KIAA1217: variants seen among roughly 807,000 people sequenced by gnomAD.
KIAA1217 encodes sickle tail protein homolog.
Under a neutral mutation model 163.9 loss-of-function variants are expected in KIAA1217, and 88 were observed. The observed-to-expected ratio is 0.54, with a 90% CI of 0.45 to 0.64. The LOEUF is 0.64. Among genes scored for constraint, KIAA1217 ranks in the 30% least tolerant of loss-of-function variants. The probability of loss-of-function intolerance (pLI) is 0.00; values close to 1 mark genes in which losing one functional copy is unlikely to be tolerated. For synonymous variants in KIAA1217, 903 were observed against 923.1 expected, an observed-to-expected ratio of 0.98 and a Z score of 0.39; for missense variants, 2,372 against 2,475.0, an observed-to-expected ratio of 0.96 and a Z score of 0.88.
intron 1 of KIAA1217, among the ~76,000 whole-genome samples, chr10:23,857,621 T>A (rs1477632796): frequency 1.3e-5 from 2 of 152,116 alleles, no homozygotes; most frequent in Admixed American, 1.3e-4. Flanking sequence ...GGCCCAGGAA[T>A]TTGCATTTTA....
At chr10:24,190,290 T>A (rs2066656417) in intron 2 of KIAA1217, among the ~76,000 whole-genome samples, 1 of 152,100 alleles carries the variant, frequency 6.6e-6, no homozygotes, top group Non-Finnish European at 1.5e-5. Context: ...ACCTGCAAGG[T>A]ACCATATTTT....
intron 1 of KIAA1217, among the ~76,000 whole-genome samples, chr10:23,971,137 T>G (rs1845298040): frequency 6.6e-6 from 1 of 152,250 alleles, no homozygotes; most frequent in Admixed American, 6.5e-5. Flanking sequence ...TTTTCCCGTG[T>G]GCACAGTGGC....
intron 1 of KIAA1217, among the ~76,000 whole-genome samples, chr10:23,942,561 C>A (rs1843825011): frequency 6.6e-6 from 1 of 152,086 alleles, no homozygotes; most frequent in African/African-American, 2.4e-5. Context: ...TAGTAGCCCC[C>A]CAAATCTCTA....
chr10:24,532,221 T>C (rs769310479), intron 15 of KIAA1217, among the ~76,000 whole-genome samples: 1 of 152,090 alleles, frequency 6.6e-6, no homozygotes, highest in Non-Finnish European at 1.5e-5. Context: ...CAATATGAAA[T>C]GCAAATCACA....
chr10:24,002,943 G>T (rs558886675), intron 1 of KIAA1217, among the ~76,000 whole-genome samples: 2 of 152,222 alleles, frequency 1.3e-5, no homozygotes, highest in African/African-American at 4.8e-5. Context: ...TGGAATAATG[G>T]TGTCCAACTA....
rs2075457117 is a variant in KIAA1217, at chr10:24,544,395, G to A, written c.5125G>A (p.Glu1709Lys). Residue 1709 changes from glutamate to lysine, a missense_variant, in exon 19 of 21, where the codon GAG becomes AAG. Glu to Lys is a moderately conservative substitution (Grantham distance 56). Transcript: ENST00000376454. ...SVASSSHIAQ[E>K]ASPRPLLVPD... is the part of the protein sequence containing the mutation. ...TGCAAGTTCATCCCACATAGCCCAA[G>A]AGGCCTCTCCCCGACCCTTGCTAGT... 1 of 1,614,030 alleles carries A rather than the reference G, an allele frequency of 6.2e-7. No homozygotes were observed. Among genetic ancestry groups the A allele is most frequent in the East Asian group, 2.2e-5 (1 of 44,864 alleles).
At chr10:23,859,678 A>G (rs1464065964) in intron 1 of KIAA1217, among the ~76,000 whole-genome samples, 2 of 152,200 alleles carry the variant, frequency 1.3e-5, no homozygotes, top group Admixed American at 6.5e-5. Flanking sequence ...GCATGTTGCA[A>G]AGGTTTCTAC....
At chr10:24,419,922 A>G (rs991064977) in intron 3 of KIAA1217, among the ~76,000 whole-genome samples, 1 of 152,148 alleles carries the variant, frequency 6.6e-6, no homozygotes, top group African/African-American at 2.4e-5. Context: ...AGATTCATCC[A>G]TATTGACAGA....
chr10:23,819,671 A>G (rs1837528939), intron 1 of KIAA1217, among the ~76,000 whole-genome samples: 1 of 152,198 alleles, frequency 6.6e-6, no homozygotes, highest in Admixed American at 6.5e-5. Context: ...GACACAAAAA[A>G]TATGTCTTAC....
At chr10:23,819,471 C>G (rs1050747652) in intron 1 of KIAA1217, among the ~76,000 whole-genome samples, 2 of 151,580 alleles carry the variant, frequency 1.3e-5, no homozygotes, top group Non-Finnish European at 2.9e-5. Flanking sequence ...CACCAGTGAG[C>G]TCCACACCAG....
At chr10:24,145,017 T>C (rs2064243709) in intron 2 of KIAA1217, among the ~76,000 whole-genome samples, 1 of 152,238 alleles carries the variant, frequency 6.6e-6, no homozygotes, top group South Asian at 2.1e-4. Flanking sequence ...TATCATCTTA[T>C]TTGGGTTTTC....
At chr10:23,857,573 C>G (rs1488383670) in intron 1 of KIAA1217, among the ~76,000 whole-genome samples, 1 of 152,068 alleles carries the variant, frequency 6.6e-6, no homozygotes, top group African/African-American at 2.4e-5. Flanking sequence ...AATGACAGGT[C>G]CATGTTAAAG....
At chr10:23,945,524 T>A (rs1843989479) in intron 1 of KIAA1217, among the ~76,000 whole-genome samples, 1 of 152,220 alleles carries the variant, frequency 6.6e-6, no homozygotes, top group Non-Finnish European at 1.5e-5. Context: ...GGAACTGTTC[T>A]GTTTCAATTG....
At chr10:23,923,331 A>G (rs1842915332) in intron 1 of KIAA1217, among the ~76,000 whole-genome samples, 1 of 152,012 alleles carries the variant, frequency 6.6e-6, no homozygotes, top group Admixed American at 6.6e-5. Context: ...CCCAAGAAAG[A>G]CCTTTTAAAA....
chr10:24,067,857 C>T (rs554610246), intron 2 of KIAA1217, among the ~76,000 whole-genome samples: 188 of 152,360 alleles, frequency 1.2e-3, no homozygotes, highest in Non-Finnish European at 1.8e-3. Context: ...TGCCCCTCCC[C>T]CAGCCTCACT....
At chr10:24,144,218 T>C (rs1267872886) in intron 2 of KIAA1217, among the ~76,000 whole-genome samples, 1 of 152,262 alleles carries the variant, frequency 6.6e-6, no homozygotes, top group Non-Finnish European at 1.5e-5. Flanking sequence ...ACCTTCTCCA[T>C]GTGTGAATCT....
intron 6 of KIAA1217, among the ~76,000 whole-genome samples, chr10:24,484,912 A>G (rs902892707): frequency 6.6e-6 from 1 of 152,150 alleles, no homozygotes; most frequent in African/African-American, 2.4e-5. Flanking sequence ...GGTCCCATCC[A>G]GAACAGCCTA....
At chr10:23,874,372 G>A (rs1472579190) in intron 1 of KIAA1217, among the ~76,000 whole-genome samples, 1 of 151,744 alleles carries the variant, frequency 6.6e-6, no homozygotes, top group African/African-American at 2.4e-5. Context: ...TTACTATTTA[G>A]TTTGTTCACA....
intron 2 of KIAA1217, among the ~76,000 whole-genome samples, chr10:24,072,076 A>G (rs2061207006): frequency 1.3e-5 from 2 of 152,072 alleles, no homozygotes; most frequent in South Asian, 2.1e-4. Context: ...CCCAGGCTGG[A>G]GTACAGTGGT....
Sources: gnomAD v4.1 joint callset for allele counts (sites outside exome capture counted in the v4.1 genomes callset) on GRCh38, gnomAD v4.1.1 for gene constraint, MANE v1.5 for transcripts, NCBI Gene and HGNC (gene_info 2026-07-23, HGNC 2026-07-21) for gene names.